Variants in KPNA1 observed in about 807,000 individuals in gnomAD.
The protein encoded by KPNA1 is karyopherin subunit alpha 1.
In KPNA1, 10 loss-of-function variants were observed where a neutral mutation model predicts 70.5. The ratio of observed to expected loss-of-function variants is 0.14; its 90% CI spans 0.09 to 0.24. The LOEUF is 0.24. Among genes scored for constraint, KPNA1 ranks in the 10% least tolerant of loss-of-function variants. The pLI is 1.00. For missense variants in KPNA1, 397 were observed against 637.9 expected (o/e 0.62, Z 4.07); for synonymous variants, 192 against 221.9 (o/e 0.87, Z 1.20).
At chr3:122,463,885 T>C (rs2076352464) in intron 4 of KPNA1, 57 bp downstream of exon 4, 1 of 928,844 alleles carries the variant, frequency 1.1e-6, no homozygotes, top group Non-Finnish European at 1.7e-6. Context: ...AAACAGACTA[T>C]GGGAAAGTAA....
intron 11 of KPNA1, among the ~76,000 whole-genome samples, chr3:122,435,501 C>T (rs1297011909): frequency 2.6e-5 from 4 of 152,158 alleles, no homozygotes; most frequent in Non-Finnish European, 5.9e-5. Context: ...ACTTGGAAAG[C>T]GTTAAAGCCA....
intron 5 of KPNA1, among the ~76,000 whole-genome samples, chr3:122,456,271 CTG>C (rs1283893190): frequency 6.6e-6 from 1 of 152,104 alleles, no homozygotes; most frequent in Non-Finnish European, 1.5e-5. Flanking sequence ...TAAAAGCAAA[CTG>C]TCCCACCACA....
chr3:122,459,349 A>T lies in KPNA1; in HGVS notation c.432+1875T>A, dbSNP rs946268370. On this transcript the variant is annotated intron_variant, in intron 5 of 13. Transcript: ENST00000344337. ...CCACCTAATAAAAACCGCCAGATCA[A>T]GGAGTAAATTCAGTATCTCTCATCT... is the stretch of plus-strand genomic sequence containing the variant. The T allele has an allele frequency of 8.0e-6, 7 of 870,096 alleles. No individual in the cohort carries two copies. In the African/African-American group the frequency reaches 1.3e-4, roughly 16 times the overall value. 53.9% of individuals were successfully genotyped at this position (870,096 alleles called of 1,614,324 possible).
intron 5 of KPNA1, among the ~76,000 whole-genome samples, chr3:122,454,813 T>C (rs114707918): frequency 6.6e-6 from 1 of 152,308 alleles, no homozygotes; most frequent in African/African-American, 2.4e-5. Flanking sequence ...TAAAGGTTGA[T>C]ATATAGCATT....
chr3:122,477,300 G>A (rs1471344750), intron 2 of KPNA1, among the ~76,000 whole-genome samples: 1 of 152,162 alleles, frequency 6.6e-6, no homozygotes. Context: ...AGAGATGTTG[G>A]TGAAGGGATA....
chr3:122,458,529 A>C (rs2076288483), intron 5 of KPNA1, among the ~76,000 whole-genome samples: 1 of 152,210 alleles, frequency 6.6e-6, no homozygotes, highest in South Asian at 2.1e-4. Flanking sequence ...TGGAATGAAG[A>C]AATTAAGTTT....
At chr3:122,473,016 G>A (rs1174715346) in intron 2 of KPNA1, among the ~76,000 whole-genome samples, 4 of 152,144 alleles carry the variant, frequency 2.6e-5, no homozygotes, top group African/African-American at 9.7e-5. Context: ...GGGAGGCAGA[G>A]GTTGCAGTGA....
intron 4 of KPNA1, among the ~76,000 whole-genome samples, chr3:122,463,516 T>TAA (rs532512930): frequency 1.2e-4 from 17 of 137,248 alleles, no homozygotes; most frequent in Non-Finnish European, 1.6e-4. Context: ...GAGCCGTCTT[T>TAA]AAAAAAAAAA....
chr3:122,495,167 T>C (rs1161162732), intron 2 of KPNA1, among the ~76,000 whole-genome samples: 2 of 149,586 alleles, frequency 1.3e-5, no homozygotes, highest in African/African-American at 4.9e-5. Context: ...GGAGAATCGC[T>C]TGAACCTGGG....
At position 122,425,486 on chromosome 3, in the gene KPNA1, CAAA is replaced by C. The variant is rs1415849992; in HGVS notation, c.*1496_*1498del. ...GAATTCACTTTGAACAGCACATCAA[CAAA>C]AAAATCTTCTCTGGTAGTGTATCCC... On this transcript the variant is annotated 3_prime_UTR_variant, in exon 14 of 14. Coordinates refer to ENST00000344337, the MANE Select transcript of KPNA1 (RefSeq NM_002264.4). 1 of 152,538 alleles carries C rather than the reference CAAA, an allele frequency of 6.6e-6. No homozygotes were observed. Among genetic ancestry groups the C allele is most frequent in the Non-Finnish European group, 1.5e-5 (1 of 68,010 alleles). The allele number at this position is 152,538 out of a possible 1,614,324, so 9.4% of individuals were successfully genotyped here.
chr3:122,430,013 ATTCT>A (rs2075879804), intron 12 of KPNA1, among the ~76,000 whole-genome samples: 2 of 151,974 alleles, frequency 1.3e-5, no homozygotes, highest in East Asian at 1.9e-4. Flanking sequence ...AAGTTTAGTA[ATTCT>A]TTCTTCTGCT....
chr3:122,467,665 A>G (rs1334722767), intron 2 of KPNA1, among the ~76,000 whole-genome samples: 2 of 152,106 alleles, frequency 1.3e-5, no homozygotes, highest in East Asian at 3.8e-4. Context: ...AAAACTTACT[A>G]AGAGAGGTCT....
rs1407294175 is a variant in KPNA1, at chr3:122,427,070, C to A, written c.1532G>T (p.Ser511Ile). The change falls in exon 14 of 14, where the codon AGC becomes ATC. Residue 511 changes from serine (S) to isoleucine (I), a missense_variant. Coordinates refer to ENST00000344337, the MANE Select transcript of KPNA1 (RefSeq NM_002264.4). ...EHYFGTEDEDSSIAPQVDLNQ... is the reference protein window; with the variant it reads ...EHYFGTEDEDISIAPQVDLNQ... ...AAGGTCAACCTGGGGTGCAATGCTG[C>A]TGTCTTCATCTTCGGTCCCGAAGTA... 1.9e-6 allele frequency: 3 copies of A among 1,614,024 alleles called. No individual in the cohort carries two copies. Among genetic ancestry groups the A allele is most frequent in the Non-Finnish European group, 2.5e-6 (3 of 1,180,010 alleles).
chr3:122,451,916 A>C (rs930590797), intron 7 of KPNA1, 60 bp downstream of exon 7: 1 of 1,003,386 alleles, frequency 1.0e-6, no homozygotes, highest in Non-Finnish European at 1.5e-6. Flanking sequence ...CTTTCTGAGG[A>C]ATCTCTTACA....
chr3:122,458,217 T>C (rs2076285443), intron 5 of KPNA1, among the ~76,000 whole-genome samples: 1 of 152,194 alleles, frequency 6.6e-6, no homozygotes, highest in Admixed American at 6.5e-5. Flanking sequence ...ACAAAGATAC[T>C]GGGCCTGGAC....
chr3:122,434,558 C>T (rs961559022), intron 11 of KPNA1, among the ~76,000 whole-genome samples: 2 of 152,158 alleles, frequency 1.3e-5, no homozygotes, highest in African/African-American at 2.4e-5. Flanking sequence ...TCCTTTTAAA[C>T]CCCTCTAGTT....
At chr3:122,481,397 C>T (rs2076569254) in intron 2 of KPNA1, among the ~76,000 whole-genome samples, 1 of 152,154 alleles carries the variant, frequency 6.6e-6, no homozygotes, top group African/African-American at 2.4e-5. Flanking sequence ...ACACACTCTA[C>T]TAAGTTAAAG....
chr3:122,441,284 T>C (rs1475122118), intron 10 of KPNA1, among the ~76,000 whole-genome samples: 1 of 152,174 alleles, frequency 6.6e-6, no homozygotes, highest in Admixed American at 6.5e-5. Context: ...GCACTGTGAA[T>C]GGTGTGTCTT....
At chr3:122,514,177 T>A (rs1047242485) in intron 1 of KPNA1, among the ~76,000 whole-genome samples, 9 of 152,174 alleles carry the variant, frequency 5.9e-5, no homozygotes, top group Middle Eastern at 3.4e-3. Context: ...AGGCCCATGT[T>A]GTTATGACAT....
Sources: allele counts gnomAD v4.1 joint callset (sites outside exome capture counted in the v4.1 genomes callset), GRCh38; gene constraint gnomAD v4.1.1; transcripts MANE v1.5; gene names NCBI Gene and HGNC (gene_info 2026-07-23, HGNC 2026-07-21).